Variants in SLC22A6 observed in about 807,000 individuals in gnomAD.
SLC22A6 encodes solute carrier family 22 member 6, also known as PAH transporter.
Under a neutral mutation model 56.7 loss-of-function variants are expected in SLC22A6, and 45 were observed. The observed-to-expected ratio is 0.79, with a 90% CI of 0.63 to 1.02. SLC22A6 has a LOEUF of 1.02. SLC22A6 is among the 50% of genes least tolerant of loss of function. The pLI, the probability that SLC22A6 is intolerant of heterozygous loss-of-function variation, is 0.00. For missense variants in SLC22A6, 606 were observed against 713.8 expected (o/e 0.85, Z 1.72); for synonymous variants, 291 against 295.9 (o/e 0.98, Z 0.17).
chr11:62,981,212 G>T, intron 5 of SLC22A6, 48 bp downstream of exon 5: 1 of 1,607,278 alleles, frequency 6.2e-7, no homozygotes, highest in Non-Finnish European at 8.5e-7. Context: ...TTGGGGTTTG[G>T]GGGTGAAGCC....
In SLC22A6 at chr11:62,984,611, G is replaced by A. The variant is rs1361999552; in HGVS notation, c.80C>T (p.Pro27Leu). 3 of 1,613,664 alleles carry A rather than the reference G, an allele frequency of 1.9e-6. No individual in the cohort carries two copies. The Admixed American group carries it at 5.0e-5, about 27-fold the overall frequency. ...GTTGTGAGAAGCCATCAGGAGCAGG[G>A]GGAGGACCACCAGGGTGACCTGGAT... ...QQIQVTLVVL[P>L]LLLMASHNTL... Residue 27 changes from proline (P) to leucine (L), a missense_variant, in exon 1 of 10, where the codon CCC becomes CTC. Transcript: ENST00000360421.
At chr11:62,979,631 G>A (rs1332579213) in intron 7 of SLC22A6, 35 bp from the exon 8 acceptor site, 1 of 1,595,676 alleles carries the variant, frequency 6.3e-7, no homozygotes. Context: ...CAGGAGCTTG[G>A]GAGTGGAGGC....
rs955247182 is a variant in SLC22A6 at position 62,983,303 on chromosome 11, G to A, written c.628+234C>T. 2.6e-5 allele frequency among the ~76,000 whole-genome samples: 4 copies of A among 152,210 alleles called. No homozygotes were observed. The highest frequency in any genetic ancestry group is 2.0e-4 in the Admixed American group (3 of 15,282). Reference sequence around the variant, plus strand: ...TCGTGATCTGCCCGCCTCGGCCTCCGAAAGTGCTGGGATTACAGGTGTGAG... The same window carrying A: ...TCGTGATCTGCCCGCCTCGGCCTCCAAAAGTGCTGGGATTACAGGTGTGAG... On this transcript the variant is annotated intron_variant, in intron 3 of 9. Transcript: ENST00000360421. The surrounding 1 kb of genome is among the most constrained non-coding windows in gnomAD (Gnocchi z 4.5).
chr11:62,983,502 G>A lies in SLC22A6; in HGVS notation c.628+35C>T. ...CTGGAAAGGGGTTGCTGGGCTGGGT[G>A]GCCGGAGGGGAGTGGGCTGGTAAGA... On this transcript the variant is annotated intron_variant, in intron 3 of 9. Coordinates refer to ENST00000360421, the MANE Select transcript of SLC22A6 (RefSeq NM_153276.3). The surrounding 1 kb of genome is among the most constrained non-coding windows in gnomAD (Gnocchi z 4.5). 2 of 1,550,060 alleles carry A rather than the reference G, an allele frequency of 1.3e-6. No individual in the cohort carries two copies. Among genetic ancestry groups the A allele is most frequent in the Non-Finnish European group, 1.7e-6 (2 of 1,147,066 alleles).
chr11:62,983,736 G>A lies in SLC22A6; in HGVS notation c.474-45C>T, dbSNP rs1410553171. 2.6e-6 allele frequency: 4 copies of A among 1,568,282 alleles called. No homozygotes were observed. The highest frequency in any genetic ancestry group is 3.5e-6 in the Non-Finnish European group (4 of 1,156,404). ...TTGTAGCAGGGCCCTGGAGACTGAT[G>A]GGGGTCAGGCTGAGCCAGGAGAGGA... On this transcript the variant is annotated intron_variant, in intron 2 of 9. Transcript: ENST00000360421. This position sits in a 1 kb window ranked among gnomAD's most constrained non-coding sequence, Gnocchi z 4.5.
In SLC22A6 at chr11:62,977,173, T is replaced by C; in HGVS notation, c.1565+11A>G. The C allele has an allele frequency of 1.2e-6, 2 of 1,614,120 alleles. No individual in the cohort carries two copies. The highest frequency in any genetic ancestry group is 2.2e-5 in the East Asian group (1 of 44,874). On this transcript the variant is annotated intron_variant, in intron 9 of 9. Transcript: ENST00000360421. ...GGATATATCCCTGCTTCTTTCTGAG[T>C]GGGGGCCCACCTGCTCTCCAGGTCC...
intron 8 of SLC22A6, among the ~76,000 whole-genome samples, chr11:62,978,185 T>C (rs2086211547): frequency 6.6e-6 from 1 of 152,192 alleles, no homozygotes; most frequent in African/African-American, 2.4e-5. Flanking sequence ...ATCTGAAATC[T>C]GGTAAGGGCA....
chr11:62,980,149 A>G (rs965836451), intron 6 of SLC22A6, among the ~76,000 whole-genome samples: 3 of 152,172 alleles, frequency 2.0e-5, no homozygotes, highest in Non-Finnish European at 4.4e-5. Flanking sequence ...AAATTTGCCA[A>G]TCTTCTGATA....
intron 8 of SLC22A6, among the ~76,000 whole-genome samples, chr11:62,978,810 T>G (rs1310174684): frequency 2.0e-5 from 3 of 152,146 alleles, no homozygotes. Context: ...CAGGATGGTC[T>G]CGATCTCCTG....
Position 62,984,599 on chromosome 11 carries a change from A to G in SLC22A6, c.92T>C (p.Met31Thr). Residue 31 changes from methionine to threonine, a missense_variant, in exon 1 of 10, where the codon ATG becomes ACG. By Grantham distance (81) the Met-to-Thr change is moderately conservative. Coordinates refer to ENST00000360421, the MANE Select transcript of SLC22A6 (RefSeq NM_153276.3). ...VTLVVLPLLL[M>T]ASHNTLQNFT... Reference sequence around the variant, plus strand: ...GTTCTGCAGGGTGTTGTGAGAAGCCATCAGGAGCAGGGGGAGGACCACCAG... The same window carrying G: ...GTTCTGCAGGGTGTTGTGAGAAGCCGTCAGGAGCAGGGGGAGGACCACCAG... The G allele has an allele frequency of 6.2e-7, 1 of 1,613,670 alleles. No individual in the cohort carries two copies.
At chr11:62,977,007 C>A in intron 9 of SLC22A6, 126 bp from the exon 10 acceptor site, 1 of 1,501,050 alleles carries the variant, frequency 6.7e-7, no homozygotes, top group Middle Eastern at 1.8e-4. Context: ...CAAATACCTA[C>A]TGCTCCCTGG....
rs2086283098 is a variant in SLC22A6, at chr11:62,983,735, TG to T, written c.474-45del. 1 of 1,568,748 alleles carries T rather than the reference TG, an allele frequency of 6.4e-7. No individual in the cohort carries two copies. The highest frequency in any genetic ancestry group is 1.9e-5 in the Admixed American group (1 of 53,088). ...CTTGTAGCAGGGCCCTGGAGACTGA[TG>T]GGGGTCAGGCTGAGCCAGGAGAGGA... On this transcript the variant is annotated intron_variant, in intron 2 of 9. Transcript: ENST00000360421. This position sits in a 1 kb window ranked among gnomAD's most constrained non-coding sequence, Gnocchi z 4.5.
chr11:62,977,886 G>A (rs1411673006), intron 8 of SLC22A6, among the ~76,000 whole-genome samples: 1 of 152,202 alleles, frequency 6.6e-6, no homozygotes, highest in African/African-American at 2.4e-5. Flanking sequence ...CCTAGGGGGA[G>A]GGAGCTGGAA....
rs760868343 is a variant in SLC22A6, at chr11:62,979,520, C to T, written c.1329G>A (p.Leu443=). 13 of 1,613,652 alleles carry T rather than the reference C, an allele frequency of 8.1e-6. No individual in the cohort carries two copies. Among genetic ancestry groups the T allele is most frequent in the Admixed American group, 1.7e-5 (1 of 60,002 alleles). ...TTGTGGGATACAGTTCCCCAGTATA[C>T]AGGAAGATGCAGTTGAAGGAGGCAG... is the stretch of plus-strand genomic sequence containing the variant. The part of the protein sequence containing the change: ...CLAASFNCIF[L]YTGELYPTMI... Residue 443 remains leucine, a synonymous_variant, in exon 8 of 10, where the codon CTG becomes CTA. Transcript: ENST00000360421.
chr11:62,976,993 G>A (rs993998366), intron 9 of SLC22A6, 112 bp from the exon 10 acceptor site: 172 of 1,494,626 alleles, frequency 1.2e-4, no homozygotes, highest in Middle Eastern at 5.3e-4. Flanking sequence ...CCTGCTCTCT[G>A]CCCCAAATAC....
At chr11:62,978,929 C>T (rs1172621023) in intron 8 of SLC22A6, among the ~76,000 whole-genome samples, 1 of 152,208 alleles carries the variant, frequency 6.6e-6, no homozygotes, top group Non-Finnish European at 1.5e-5. Flanking sequence ...CTGCCTTGGC[C>T]TCCCAAGGTG....
Position 62,981,064 on chromosome 11 carries a change from C to T in SLC22A6, c.958G>A (p.Gly320Ser), listed in dbSNP as rs748537298. The T allele has an allele frequency of 1.2e-6, 2 of 1,612,650 alleles. No individual in the cohort carries two copies. The highest frequency in any genetic ancestry group is 2.2e-5 in the East Asian group (1 of 44,844). The change falls in exon 6 of 10, where the codon GGC becomes AGC. Residue 320 changes from glycine (G) to serine (S), a missense_variant. Transcript: ENST00000360421. ...RASLQKELTMGKGQASAMELL... is the reference protein window; with the variant it reads ...RASLQKELTMSKGQASAMELL... The stretch of plus-strand genomic sequence containing the variant: ...TCCATGGCCGATGCCTGGCCTTTGC[C>T]CATGGTCAGCTCCTTCTGCAGACTG...
Position 62,976,894 on chromosome 11 carries a change from A to G in SLC22A6, c.1566-13T>C, listed in dbSNP as rs2086195004. The stretch of plus-strand genomic sequence containing the variant: ...CTGTTTCCCTTTCCTGCAGGGCGGC[A>G]GAAGAATGGCACTCTGGGTATGCAG... On this transcript the variant is annotated splice_polypyrimidine_tract_variant and intron_variant, in intron 9 of 9. Transcript: ENST00000360421. 7 of 1,613,126 alleles carry G rather than the reference A, an allele frequency of 4.3e-6. No individual in the cohort carries two copies. Among genetic ancestry groups the G allele is most frequent in the Admixed American group, 1.7e-5 (1 of 59,942 alleles).
In SLC22A6 at chr11:62,979,484, T is replaced by C; in HGVS notation, c.1361+4A>G. On this transcript the variant is annotated splice_donor_region_variant and intron_variant, in intron 8 of 9. Transcript: ENST00000360421. The stretch of plus-strand genomic sequence containing the variant: ...TGTCATTCTCCCATTAGGCTCCCAC[T>C]CACCGGATCATTGTGGGATACAGTT... 6.4e-7 allele frequency: 1 copy of C among 1,559,650 alleles called. No homozygotes were observed. The highest frequency in any genetic ancestry group is 8.8e-7 in the Non-Finnish European group (1 of 1,130,412).
Sources: gnomAD v4.1 joint callset for allele counts (sites outside exome capture counted in the v4.1 genomes callset) on GRCh38, gnomAD v4.1.1 for gene constraint, Gnocchi (gnomAD v3.1) non-coding constraint, MANE v1.5 for transcripts, NCBI Gene and HGNC (gene_info 2026-07-23, HGNC 2026-07-21) for gene names.